CUX1: variants seen among roughly 807,000 people sequenced by gnomAD.
CUX1 encodes the protein protein CASP.
In CUX1, 31 loss-of-function variants were observed where a neutral mutation model predicts 158.8. The ratio of observed to expected loss-of-function variants is 0.20; its 90% confidence interval spans 0.15 to 0.26. The LOEUF is 0.26. CUX1 is among the 10% of genes least tolerant of loss of function. The pLI is 1.00. For missense variants in CUX1, 1,589 were observed against 2,014.6 expected (o/e 0.79, Z 4.04); for synonymous variants, 879 against 862.1 (o/e 1.02, Z -0.34).
At chr7:101,860,566 T>A (rs1409713137) in intron 1 of CUX1, among the ~76,000 whole-genome samples, 1 of 152,186 alleles carries the variant, frequency 6.6e-6, no homozygotes, top group Non-Finnish European at 1.5e-5. Flanking sequence ...TGCCATCACC[T>A]GTCCCAGGGC....
At position 102,278,770 on chromosome 7, in the gene CUX1, G is replaced by C. The variant is rs201062424; in HGVS notation, c.1680+705G>C. 4.0e-5 allele frequency among the ~76,000 whole-genome samples: 6 copies of C among 151,490 alleles called. No homozygotes were observed. In the East Asian group the frequency reaches 1.2e-3, roughly 29 times the overall value. Reference sequence around the variant, plus strand: ...AAAATAGAAAAGAAAATACTAGCCAGAAGGGCCAGGCACAGTGGCTCATGC... The same window carrying C: ...AAAATAGAAAAGAAAATACTAGCCACAAGGGCCAGGCACAGTGGCTCATGC... On this transcript the variant is annotated intron_variant, in intron 18 of 22. Transcript: ENST00000292538.
intron 2 of CUX1, among the ~76,000 whole-genome samples, chr7:101,919,375 C>T (rs780276025): frequency 3.9e-5 from 6 of 152,164 alleles, no homozygotes; most frequent in Non-Finnish European, 7.4e-5. Flanking sequence ...CTGGCCACAC[C>T]GCAGGATTGA....
intron 2 of CUX1, among the ~76,000 whole-genome samples, chr7:101,985,724 C>G (rs758543654): frequency 6.6e-6 from 1 of 152,194 alleles, no homozygotes; most frequent in African/African-American, 2.4e-5. Context: ...TTCAGTAAAA[C>G]CATCCCTCTA....
chr7:101,821,659 TTTTTCTTTTTTC>T (rs1792567020), intron 1 of CUX1, among the ~76,000 whole-genome samples: 3 of 125,008 alleles, frequency 2.4e-5, no homozygotes, highest in Admixed American at 8.7e-5. Context: ...TTCTTTTCTT[TTTTTCTTTTTTC>T]TTTTTTTTTT....
intron 9 of CUX1, among the ~76,000 whole-genome samples, chr7:102,162,449 TCTC>T (rs1258310943): frequency 9.9e-5 from 15 of 152,122 alleles, no homozygotes; most frequent in Non-Finnish European, 1.8e-4. Flanking sequence ...TTCAAGCGAT[TCTC>T]CTGCCACAGC....
chr7:102,103,073 G>A (rs10277680), intron 5 of CUX1, among the ~76,000 whole-genome samples: 34,626 of 152,106 alleles, frequency 0.23, 4,367 homozygotes, highest in Non-Finnish European at 0.29. Flanking sequence ...TACCAGAGCC[G>A]TCTGGACCTG....
At chr7:102,028,246 G>C (rs752412249) in intron 3 of CUX1, 101 bp downstream of exon 3, 43 of 1,266,358 alleles carry the variant, frequency 3.4e-5, no homozygotes, top group Non-Finnish European at 4.9e-5. Flanking sequence ...GTGCTGCCCA[G>C]ATGGTGCCTT....
At chr7:102,026,588 GGT>G (rs1183664503) in intron 2 of CUX1, among the ~76,000 whole-genome samples, 1 of 152,018 alleles carries the variant, frequency 6.6e-6, no homozygotes, top group Non-Finnish European at 1.5e-5. Context: ...GGGAGGCTGA[GGT>G]GGGCGGATCA....
chr7:102,143,683 T>G (rs991956673), intron 8 of CUX1, among the ~76,000 whole-genome samples: 6 of 152,208 alleles, frequency 3.9e-5, no homozygotes, highest in Non-Finnish European at 8.8e-5. Context: ...CCTTGGCAAG[T>G]GGGTAAACGG....
chr7:101,938,902 A>G (rs1348058096), intron 2 of CUX1, among the ~76,000 whole-genome samples: 1 of 151,482 alleles, frequency 6.6e-6, no homozygotes, highest in Non-Finnish European at 1.5e-5. Context: ...TTAGCTGGGC[A>G]TGGTGGTGTA....
rs1037390090 is a variant in CUX1, at chr7:102,171,322, G to T, written c.828+772G>T. The stretch of plus-strand genomic sequence containing the variant: ...CGCCTGTAAACTGGGGGGTTGGTGC[G>T]AAAGTTATTATGAGCAAATAACTTA... On this transcript the variant is annotated intron_variant, in intron 10 of 23. Coordinates refer to ENST00000292535, the MANE Select transcript of CUX1 (RefSeq NM_181552.4). 2.0e-5 allele frequency among the ~76,000 whole-genome samples: 3 copies of T among 152,096 alleles called. No homozygotes were observed. The East Asian group carries it at 5.8e-4, about 29-fold the overall frequency.
intron 9 of CUX1, among the ~76,000 whole-genome samples, chr7:102,163,252 G>A (rs1373085820): frequency 1.3e-5 from 2 of 152,006 alleles, no homozygotes; most frequent in African/African-American, 4.8e-5. Context: ...TGGAGAGGCC[G>A]AGGCAGGAGC....
At chr7:102,021,565 C>T (rs918087156) in intron 2 of CUX1, among the ~76,000 whole-genome samples, 4 of 151,488 alleles carry the variant, frequency 2.6e-5, no homozygotes, top group Non-Finnish European at 5.9e-5. Flanking sequence ...GCCTTGGCCT[C>T]CCAAAGTGCT....
At chr7:102,175,991 G>A (rs1792274687) in intron 10 of CUX1, among the ~76,000 whole-genome samples, 1 of 152,220 alleles carries the variant, frequency 6.6e-6, no homozygotes, top group South Asian at 2.1e-4. Flanking sequence ...TGCAGCTCAC[G>A]CTGCACAGAA....
rs865886319 is a variant in CUX1 at position 101,817,834 on chromosome 7, C to T, written c.30+165C>T. 4.6e-5 allele frequency among the ~76,000 whole-genome samples: 7 copies of T among 152,158 alleles called. No individual in the cohort carries two copies. The highest frequency in any genetic ancestry group is 1.7e-4 in the African/African-American group (7 of 41,432). On this transcript the variant is annotated intron_variant, in intron 1 of 23. Transcript: ENST00000292535. The surrounding 1 kb of genome is among the most constrained non-coding windows in gnomAD (Gnocchi z 4.1). ...GCCCCTGGGGAACTGCAGCTACTCC[C>T]AACTGCTAAGGTGTGCGTGAAGATA...
chr7:102,112,477 A>G (rs1252362649), intron 7 of CUX1, among the ~76,000 whole-genome samples: 1 of 152,022 alleles, frequency 6.6e-6, no homozygotes, highest in Non-Finnish European at 1.5e-5. Flanking sequence ...TCTTGACCTC[A>G]TGATCCGCCC....
intron 23 of CUX1, among the ~76,000 whole-genome samples, chr7:102,242,491 G>T (rs151031147): frequency 1.3e-5 from 2 of 152,112 alleles, no homozygotes; most frequent in Non-Finnish European, 2.9e-5. Flanking sequence ...GATTACAGGC[G>T]TGAGCCACCA....
intron 2 of CUX1, among the ~76,000 whole-genome samples, chr7:101,934,484 A>C (rs1430362730): frequency 1.3e-5 from 2 of 152,168 alleles, no homozygotes; most frequent in Non-Finnish European, 2.9e-5. Context: ...TTTGAGGTGG[A>C]GGAATTATTG....
intron 2 of CUX1, among the ~76,000 whole-genome samples, chr7:101,926,674 C>T (rs1011677978): frequency 1.3e-5 from 2 of 152,126 alleles, no homozygotes; most frequent in Non-Finnish European, 2.9e-5. Context: ...AGTCTCAGGC[C>T]AGGAGTAGAA....
Sources: allele counts gnomAD v4.1 joint callset (sites outside exome capture counted in the v4.1 genomes callset), GRCh38; gene constraint gnomAD v4.1.1; non-coding constraint Gnocchi (gnomAD v3.1); transcripts MANE v1.5; gene names NCBI Gene and HGNC (gene_info 2026-07-23, HGNC 2026-07-21).